The following ZNF827 variants were observed in gnomAD, a reference collection of about 807,000 sequenced individuals.
The protein encoded by ZNF827 is zinc finger protein 827.
Under a neutral mutation model 102.4 loss-of-function variants are expected in ZNF827, and 13 were observed. The ratio of observed to expected loss-of-function variants is 0.13; its 90% CI spans 0.08 to 0.20. ZNF827 has a LOEUF of 0.20. ZNF827 is among the 10% of genes least tolerant of loss of function. The pLI is 1.00. For missense variants in ZNF827, 1,103 were observed against 1,344.4 expected, an observed-to-expected ratio of 0.82 and a Z score of 2.81; for synonymous variants, 523 against 536.2, an observed-to-expected ratio of 0.98 and a Z score of 0.34.
intron 8 of ZNF827, among the ~76,000 whole-genome samples, chr4:145,812,670 G>A (rs1000632556): frequency 4.1e-4 from 62 of 152,226 alleles, no homozygotes; most frequent in African/African-American, 1.5e-3. Context: ...TGGGACTACA[G>A]GCGCACGCCA....
chr4:145,907,025 G>A (rs1477805255), intron 1 of ZNF827: 5 of 456,048 alleles, frequency 1.1e-5, no homozygotes, highest in Non-Finnish European at 2.2e-5. Context: ...GCAGAAACTT[G>A]AGGAGAAACA....
chr4:145,858,823 A>G (rs1401838790), intron 5 of ZNF827, among the ~76,000 whole-genome samples: 1 of 152,086 alleles, frequency 6.6e-6, no homozygotes, highest in African/African-American at 2.4e-5. Context: ...GAGCAAAAGA[A>G]GTTTTATTTT....
At position 145,807,780 on chromosome 4, in the gene ZNF827, A is replaced by C. The variant is rs184509195; in HGVS notation, c.2383+15642T>G. Among the ~76,000 whole-genome samples, 160 of 150,860 alleles carry C rather than the reference A, an allele frequency of 1.1e-3. 1 individual carries two copies. In the South Asian group the frequency reaches 0.013, roughly 12 times the overall value. On this transcript the variant is annotated intron_variant, in intron 8 of 14. Transcript: ENST00000508784. Reference sequence around the variant, plus strand: ...CCACTGTGCCAGGCTGCTTTAAAAAAAAAAAACAAAAAACAAAAACAAAAA... The same window carrying C: ...CCACTGTGCCAGGCTGCTTTAAAAACAAAAAACAAAAAACAAAAACAAAAA...
chr4:145,849,531 T>C lies in ZNF827; in HGVS notation c.2012A>G (p.Lys671Arg), dbSNP rs771073905. 2.5e-6 allele frequency: 4 copies of C among 1,614,112 alleles called. No individual in the cohort carries two copies. Among genetic ancestry groups the C allele is most frequent in the Non-Finnish European group, 3.4e-6 (4 of 1,180,038 alleles). ...AACCTCCATGGGTTCCTCTTTAATCTTCACCATCTGTGTTTCCTTGTAGCT... is the reference window on the plus strand; with the variant it reads ...AACCTCCATGGGTTCCTCTTTAATCCTCACCATCTGTGTTTCCTTGTAGCT... ...AESYKETQMV[K>R]IKEEPMEVDI... Residue 671 changes from lysine to arginine, a missense_variant, in exon 6 of 15, where the codon AAG becomes AGG. Lys to Arg is a conservative substitution (Grantham distance 26). Transcript: ENST00000508784.
intron 3 of ZNF827, among the ~76,000 whole-genome samples, chr4:145,891,580 T>C (rs532494138): frequency 1.3e-5 from 2 of 152,344 alleles, no homozygotes; most frequent in Admixed American, 6.5e-5. Context: ...TTGTTTTTAA[T>C]AGGACATTGA....
chr4:145,917,716 A>AG (rs1561078389), intron 1 of ZNF827, among the ~76,000 whole-genome samples: 2 of 147,268 alleles, frequency 1.4e-5, no homozygotes, highest in Non-Finnish European at 3.0e-5. Flanking sequence ...AAAAAAAAAA[A>AG]AAAAAAAAAA....
At chr4:145,845,054 A>G (rs1745798168) in intron 7 of ZNF827, among the ~76,000 whole-genome samples, 1 of 152,160 alleles carries the variant, frequency 6.6e-6, no homozygotes, top group Non-Finnish European at 1.5e-5. Flanking sequence ...TACTGTTCCT[A>G]GTTGTTCATC....
At chr4:145,887,816 C>T (rs949992895) in intron 3 of ZNF827, among the ~76,000 whole-genome samples, 1 of 152,182 alleles carries the variant, frequency 6.6e-6, no homozygotes, top group African/African-American at 2.4e-5. Flanking sequence ...GGACCCTGAC[C>T]GGTGCTGCCA....
rs560709189 is a variant in ZNF827 at position 145,820,784 on chromosome 4, A to G, written c.2383+2638T>C. ...TGTCATTTGCCCCCAATCCTCTCCA[A>G]TGATTCACTAATCTGCTGCCGGATT... On this transcript the variant is annotated intron_variant, in intron 8 of 14. Transcript: ENST00000508784. Among the ~76,000 whole-genome samples the G allele has an allele frequency of 6.6e-5, 10 of 152,256 alleles. 1 individual carries two copies. Among genetic ancestry groups the G allele is most frequent in the African/African-American group, 2.2e-4 (9 of 41,540 alleles).
At chr4:145,918,349 A>C (rs1402738721) in intron 1 of ZNF827, among the ~76,000 whole-genome samples, 2 of 149,644 alleles carry the variant, frequency 1.3e-5, no homozygotes, top group East Asian at 1.9e-4. Context: ...AAAAAAAAAA[A>C]AAAAAAAAAA....
chr4:145,900,912 G>C (rs1328178507), intron 2 of ZNF827, among the ~76,000 whole-genome samples: 1 of 152,080 alleles, frequency 6.6e-6, no homozygotes, highest in Non-Finnish European at 1.5e-5. Flanking sequence ...ACTTAGAATT[G>C]ACAACATCCT....
In ZNF827 at chr4:145,902,606, G is replaced by A; in HGVS notation, c.653C>T (p.Ala218Val). Residue 218 changes from alanine to valine, a missense_variant, in exon 2 of 15, where the codon GCA becomes GTA. Around this residue, in one of 5 missense-constraint regions of ZNF827, gnomAD observed 441 missense variants for 458.6 expected, o/e 0.96. Transcript: ENST00000508784. The surrounding 1 kb of genome is among the most constrained non-coding windows in gnomAD (Gnocchi z 4.3). ...TTTGTCCTGCAGAACGGCATTGGCTGCAGCTTTCAGTTTTAGGATGGCTGA... is the reference window on the plus strand; with the variant it reads ...TTTGTCCTGCAGAACGGCATTGGCTACAGCTTTCAGTTTTAGGATGGCTGA... ...PDSAILKLKA[A>V]ANAVLQDKSL... 1 of 1,614,044 alleles carries A rather than the reference G, an allele frequency of 6.2e-7. No homozygotes were observed. Among genetic ancestry groups the A allele is most frequent in the Non-Finnish European group, 8.5e-7 (1 of 1,179,946 alleles).
In ZNF827 at chr4:145,849,313, T is replaced by A. The variant is rs563949750; in HGVS notation, c.2221+9A>T. ...CCAATAATTGACATTTTCCTGTGCATAAACATACCTGACAGTTGAAAGAGG... is the reference window on the plus strand; with the variant it reads ...CCAATAATTGACATTTTCCTGTGCAAAAACATACCTGACAGTTGAAAGAGG... On this transcript the variant is annotated intron_variant, in intron 6 of 14. Coordinates refer to ENST00000508784, the MANE Select transcript of ZNF827 (RefSeq NM_001306215.2). 4 of 1,613,130 alleles carry A rather than the reference T, an allele frequency of 2.5e-6. No individual in the cohort carries two copies. In the Admixed American group the frequency reaches 5.0e-5, roughly 20 times the overall value.
chr4:145,929,338 G>A (rs983193960), intron 1 of ZNF827, among the ~76,000 whole-genome samples: 1 of 152,190 alleles, frequency 6.6e-6, no homozygotes, highest in Non-Finnish European at 1.5e-5. Flanking sequence ...TGGGCTGCCT[G>A]TTGAACAGAA....
chr4:145,929,773 C>T (rs900091323), intron 1 of ZNF827, among the ~76,000 whole-genome samples: 5 of 152,112 alleles, frequency 3.3e-5, no homozygotes, highest in African/African-American at 1.2e-4. Context: ...TTATTAAGTC[C>T]TTTCTATGCA....
At position 145,902,954 on chromosome 4, in the gene ZNF827, G is replaced by A. The variant is rs1339127239; in HGVS notation, c.305C>T (p.Ser102Phe). The A allele has an allele frequency of 1.9e-6, 3 of 1,614,188 alleles. No homozygotes were observed. Among genetic ancestry groups the A allele is most frequent in the Non-Finnish European group, 1.7e-6 (2 of 1,180,032 alleles). ...RDSLQCQDHL[S>F]PGVSSLCDDD... Reference sequence around the variant, plus strand: ...GTCACACAAAGAAGACACTCCCGGGGAAAGGTGATCTTGACACTGCAGTGA... The same window carrying A: ...GTCACACAAAGAAGACACTCCCGGGAAAAGGTGATCTTGACACTGCAGTGA... The change falls in exon 2 of 15, where the codon TCC becomes TTC. Residue 102 changes from serine to phenylalanine, a missense_variant. Around this residue, in one of 5 missense-constraint regions of ZNF827, gnomAD observed 441 missense variants for 458.6 expected, o/e 0.96. Coordinates refer to ENST00000508784, the MANE Select transcript of ZNF827 (RefSeq NM_001306215.2). The surrounding 1 kb of genome is among the most constrained non-coding windows in gnomAD (Gnocchi z 4.3).
chr4:145,774,796 C>T, intron 10 of ZNF827, 124 bp from the exon 11 acceptor site: 2 of 1,128,474 alleles, frequency 1.8e-6, no homozygotes, highest in South Asian at 1.6e-5. Flanking sequence ...TTTGTCTCTC[C>T]ACCAAAAGGT....
intron 8 of ZNF827, among the ~76,000 whole-genome samples, chr4:145,819,082 T>C (rs1416244322): frequency 5.9e-5 from 9 of 151,936 alleles, no homozygotes; most frequent in Non-Finnish European, 1.3e-4. Context: ...GTTTGTACAT[T>C]ATAAATAAAA....
chr4:145,846,807 A>G (rs896258399), intron 6 of ZNF827, among the ~76,000 whole-genome samples: 9 of 145,522 alleles, frequency 6.2e-5, no homozygotes, highest in Non-Finnish European at 8.9e-5. Context: ...ACAGAGCAAG[A>G]CTCTGTCTCA....
Sources: gnomAD v4.1 joint callset for allele counts (sites outside exome capture counted in the v4.1 genomes callset) on GRCh38, gnomAD v4.1.1 for gene constraint, gnomAD v4.1.1 regional missense constraint, Gnocchi (gnomAD v3.1) non-coding constraint, MANE v1.5 for transcripts, NCBI Gene and HGNC (gene_info 2026-07-23, HGNC 2026-07-21) for gene names.